Variants in NOTCH3 observed in about 807,000 individuals in gnomAD.
The protein encoded by NOTCH3 is neurogenic locus notch homolog protein 3.
A neutral mutation model predicts 213.3 loss-of-function variants in NOTCH3; 86 were observed. That is an observed-to-expected ratio of 0.40 (90% confidence interval 0.34 to 0.48). The LOEUF (loss-of-function observed/expected upper bound fraction) is 0.48. Ranked by LOEUF, NOTCH3 falls within the 20% of genes least tolerant of loss-of-function variation. The pLI, the probability that NOTCH3 is intolerant of heterozygous loss-of-function variation, is 0.57. For missense variants in NOTCH3, 2,783 were observed against 3,272.6 expected (o/e 0.85, Z 3.65); for synonymous variants, 1,354 against 1,355.9 (o/e 1.00, Z 0.03).
intron 29 of NOTCH3, among the ~76,000 whole-genome samples, chr19:15,166,530 C>T (rs1358497652): frequency 6.6e-6 from 1 of 152,078 alleles, no homozygotes; most frequent in Non-Finnish European, 1.5e-5. Context: ...AAAGAGCTGC[C>T]CCCAGGGACA....
intron 3 of NOTCH3, 37 bp downstream of exon 3, chr19:15,192,340 C>G (rs2046936222): frequency 6.2e-7 from 1 of 1,612,590 alleles, no homozygotes; most frequent in Non-Finnish European, 8.5e-7. Flanking sequence ...CTGACCACAC[C>G]CCCGACTACC....
intron 25 of NOTCH3, among the ~76,000 whole-genome samples, chr19:15,172,365 C>T (rs1218930886): frequency 6.6e-6 from 1 of 152,172 alleles, no homozygotes; most frequent in Non-Finnish European, 1.5e-5. Context: ...CCAGGTATCT[C>T]CTTGGAGGCC....
At chr19:15,171,297 G>A in intron 25 of NOTCH3, among the ~76,000 whole-genome samples, 1 of 152,210 alleles carries the variant, frequency 6.6e-6, no homozygotes, top group South Asian at 2.1e-4. Flanking sequence ...CCAAAGTGCT[G>A]GGATTACAGG....
At chr19:15,186,671 CT>C (rs1471251134) in intron 12 of NOTCH3, among the ~76,000 whole-genome samples, 1 of 152,222 alleles carries the variant, frequency 6.6e-6, no homozygotes, top group African/African-American at 2.4e-5. Flanking sequence ...TCCCAGAGCG[CT>C]GGGATTACAG....
intron 25 of NOTCH3, among the ~76,000 whole-genome samples, chr19:15,171,496 T>A (rs1280766268): frequency 6.6e-6 from 1 of 152,064 alleles, no homozygotes; most frequent in South Asian, 2.1e-4. Context: ...ACCACAGACA[T>A]GTGCCACCAC....
chr19:15,200,777 C>T lies in NOTCH3; in HGVS notation c.118+11G>A, dbSNP rs763064291. On this transcript the variant is annotated intron_variant, in intron 1 of 32. Transcript: ENST00000263388. ...CGCCCTCGTCCCATCCGCCAGGTCCCGGCCCCTCACCTGCAGCCCCCGGCC... is the reference window on the plus strand; with the variant it reads ...CGCCCTCGTCCCATCCGCCAGGTCCTGGCCCCTCACCTGCAGCCCCCGGCC... The T allele has an allele frequency of 7.7e-7, 1 of 1,291,328 alleles. No homozygotes were observed. Among genetic ancestry groups the T allele is most frequent in the Admixed American group, 2.9e-5 (1 of 34,256 alleles). 80.0% of individuals were successfully genotyped at this position (1,291,328 alleles called of 1,614,324 possible). A position where few individuals can be genotyped will look rare whatever the true frequency, so the allele number is the denominator to read the frequency against.
rs1356235052 is a variant in NOTCH3, at chr19:15,161,005, G to A, written c.6623C>T (p.Pro2208Leu). 1 of 1,545,706 alleles carries A rather than the reference G, an allele frequency of 6.5e-7. No homozygotes were observed. Among genetic ancestry groups the A allele is most frequent in the Non-Finnish European group, 8.7e-7 (1 of 1,146,466 alleles). ...PGTPVSPQER[P>L]PPYLAVPGHG... ...TCCTGGGACTGCCAGGTAAGGCGGG[G>A]GCCGCTCCTGCGGGGAGACGGGGGT... Residue 2208 changes from proline to leucine, a missense_variant, in exon 33 of 33, where the codon CCC (proline) becomes CTC (leucine). Pro to Leu is a moderately conservative substitution (Grantham distance 98). Transcript: ENST00000263388.
chr19:15,189,055 C>T lies in NOTCH3; in HGVS notation c.1312G>A (p.Gly438Arg), dbSNP rs1163542868. 6.2e-7 allele frequency: 1 copy of T among 1,613,160 alleles called. No individual in the cohort carries two copies. The highest frequency in any genetic ancestry group is 1.7e-5 in the Admixed American group (1 of 60,030). Residue 438 changes from glycine (G) to arginine (R), a missense_variant, in exon 8 of 33, where the codon GGG becomes AGG. Physicochemically the swap from Gly to Arg is moderately radical, Grantham distance 125 (BLOSUM62 -2). Around this residue, in one of 6 missense-constraint regions of NOTCH3, gnomAD observed 708 missense variants for 906.6 expected, o/e 0.78. Transcript: ENST00000263388. Reference protein sequence around the residue: ...CETDVNECLSGPCRNQATCLD... With the variant: ...CETDVNECLSRPCRNQATCLD... ...CACGTGGCCTGGTTTCGGCAGGGCCCCGACAGACACTCGTTGACATCGGTC... is the reference window on the plus strand; with the variant it reads ...CACGTGGCCTGGTTTCGGCAGGGCCTCGACAGACACTCGTTGACATCGGTC...
At position 15,189,202 on chromosome 19, in the gene NOTCH3, G is replaced by A. The variant is rs1351367907; in HGVS notation, c.1193-28C>T. ...GCCGGATGGAGTGCGATCGGTGTGG[G>A]CGTGGCTGGCCGGGACCCCCTCCTC... On this transcript the variant is annotated intron_variant, in intron 7 of 32. Transcript: ENST00000263388. The A allele has an allele frequency of 1.9e-6, 3 of 1,613,268 alleles. No individual in the cohort carries two copies. In the South Asian group the frequency reaches 3.3e-5, roughly 18 times the overall value.
At chr19:15,198,612 A>G (rs2046987647) in intron 1 of NOTCH3, among the ~76,000 whole-genome samples, 2 of 152,200 alleles carry the variant, frequency 1.3e-5, no homozygotes, top group Non-Finnish European at 2.9e-5. Flanking sequence ...TTAGCTGGGC[A>G]TGGTAGCAGG....
intron 18 of NOTCH3, 63 bp downstream of exon 18, chr19:15,180,898 T>TGGCTTCTCCCTCCTAGGATCCCAGGCA: frequency 1.3e-6 from 2 of 1,594,856 alleles, no homozygotes; most frequent in Non-Finnish European, 1.7e-6. Context: ...TGCCCCGACT[T>TGGCTTCTCCCTCCTAGGATCCCAGGCA]GGCTTCTCCC....
chr19:15,173,441 A>AAG (rs1555726677), intron 25 of NOTCH3, among the ~76,000 whole-genome samples: 27 of 143,580 alleles, frequency 1.9e-4, no homozygotes, highest in South Asian at 6.4e-4. Flanking sequence ...AAAAAAAAAA[A>AAG]AGAGAGAGAG....
At chr19:15,193,146 C>T (rs931175687) in intron 2 of NOTCH3, among the ~76,000 whole-genome samples, 2 of 152,060 alleles carry the variant, frequency 1.3e-5, no homozygotes, top group African/African-American at 2.4e-5. Flanking sequence ...AGGATGTAGT[C>T]AGTTGGGTCA....
intron 1 of NOTCH3, among the ~76,000 whole-genome samples, chr19:15,197,860 C>T (rs1450032493): frequency 6.7e-6 from 1 of 150,328 alleles, no homozygotes. Context: ...TGTGGGGGCT[C>T]GGGAAGCTGC....
rs2046878115 is a variant in NOTCH3 at position 15,185,918 on chromosome 19, AT to A, written c.1952-240del. ...TTCTTTTTCTTTTCTTCTTCTTCTT[AT>A]TTTTTGAGATGGGGTCTCACTCTGT... On this transcript the variant is annotated intron_variant, in intron 12 of 32. Transcript: ENST00000263388. The surrounding 1 kb of genome is among the most constrained non-coding windows in gnomAD (Gnocchi z 4.2). Among the ~76,000 whole-genome samples the A allele has an allele frequency of 6.6e-6, 1 of 151,002 alleles. No individual in the cohort carries two copies. Among genetic ancestry groups the A allele is most frequent in the Non-Finnish European group, 1.5e-5 (1 of 67,612 alleles).
Position 15,185,079 on chromosome 19 carries a change from TC to T in NOTCH3, c.2297-61del. ...CCTTGAGGGACTCCCTGATCCCATC[TC>T]CCCCCACCTCCCCCAACCCCAGGGT... is the stretch of plus-strand genomic sequence containing the variant. On this transcript the variant is annotated intron_variant, in intron 14 of 32. Coordinates refer to ENST00000263388, the MANE Select transcript of NOTCH3 (RefSeq NM_000435.3). The surrounding 1 kb of genome is among the most constrained non-coding windows in gnomAD (Gnocchi z 4.2). 2 of 1,216,856 alleles carry T rather than the reference TC, an allele frequency of 1.6e-6. No homozygotes were observed. The highest frequency in any genetic ancestry group is 2.3e-6 in the Non-Finnish European group (2 of 868,146). The allele number at this position is 1,216,856 out of a possible 1,614,324, so 75.4% of individuals were successfully genotyped here.
intron 2 of NOTCH3, among the ~76,000 whole-genome samples, chr19:15,196,603 T>A (rs1238889066): frequency 6.6e-6 from 1 of 152,180 alleles, no homozygotes; most frequent in Non-Finnish European, 1.5e-5. Flanking sequence ...TTATTAATGA[T>A]AGCATGAAAG....
chr19:15,162,655 G>T, intron 31 of NOTCH3, 93 bp from the exon 32 acceptor site: 1 of 901,786 alleles, frequency 1.1e-6, no homozygotes. Flanking sequence ...GTGGCCTAGG[G>T]GTAGAGGAGG....
intron 2 of NOTCH3, among the ~76,000 whole-genome samples, chr19:15,195,218 T>G (rs755441673): frequency 6.6e-6 from 1 of 152,096 alleles, no homozygotes; most frequent in South Asian, 2.1e-4. Context: ...TAGCCTCTTA[T>G]GCAGGGATGG....
Sources: allele counts gnomAD v4.1 joint callset (sites outside exome capture counted in the v4.1 genomes callset), GRCh38; gene constraint gnomAD v4.1.1; regional missense constraint gnomAD v4.1.1; non-coding constraint Gnocchi (gnomAD v3.1); transcripts MANE v1.5; gene names NCBI Gene and HGNC (gene_info 2026-07-23, HGNC 2026-07-21).